The following CACNA1D variants were observed in gnomAD, a reference collection of about 807,000 sequenced individuals.
CACNA1D encodes the protein voltage-dependent L-type calcium channel subunit alpha-1D.
In CACNA1D, 55 loss-of-function variants were observed where a neutral mutation model predicts 257.1. The ratio of observed to expected loss-of-function variants is 0.21; its 90% CI spans 0.17 to 0.27. CACNA1D has a LOEUF of 0.27. Ranked by LOEUF, CACNA1D falls within the 10% of genes least tolerant of loss-of-function variation. The probability of loss-of-function intolerance (pLI) is 1.00; values close to 1 mark genes in which losing one functional copy is unlikely to be tolerated. For missense variants in CACNA1D, 1,876 were observed against 2,784.0 expected (o/e 0.67, Z 7.34); for synonymous variants, 980 against 1,014.9 (o/e 0.97, Z 0.65).
intron 3 of CACNA1D, among the ~76,000 whole-genome samples, chr3:53,570,237 C>T (rs562760187): frequency 2.6e-4 from 40 of 152,264 alleles, no homozygotes; most frequent in Non-Finnish European, 4.9e-4. Context: ...TGAAACTTAA[C>T]GACAGTGCTT....
At chr3:53,716,156 A>G (rs1334051873) in intron 9 of CACNA1D, among the ~76,000 whole-genome samples, 9 of 152,246 alleles carry the variant, frequency 5.9e-5, no homozygotes, top group Non-Finnish European at 1.3e-4. Flanking sequence ...TATTAGAACT[A>G]TGAGATAGCA....
At chr3:53,710,451 T>G (rs1376201206) in intron 9 of CACNA1D, 3 of 456,658 alleles carry the variant, frequency 6.6e-6, no homozygotes. Flanking sequence ...GTTTTGCTGC[T>G]TTCGGCAACG....
intron 3 of CACNA1D, among the ~76,000 whole-genome samples, chr3:53,565,945 T>C (rs11715993): frequency 0.34 from 52,095 of 152,084 alleles, 9,468 homozygotes; most frequent in Middle Eastern, 0.47. Flanking sequence ...ACCCACCTAT[T>C]GAGGCACAAA....
chr3:53,731,426 C>T (rs533435175), intron 17 of CACNA1D, among the ~76,000 whole-genome samples: 1 of 152,316 alleles, frequency 6.6e-6, no homozygotes, highest in South Asian at 2.1e-4. Context: ...GTGCAATCAG[C>T]CCTGACCCGT....
chr3:53,691,865 ATATATATTACATATAATATATAT>A (rs1576366674), intron 8 of CACNA1D, among the ~76,000 whole-genome samples: 1 of 109,962 alleles, frequency 9.1e-6, no homozygotes, highest in East Asian at 2.4e-4. Flanking sequence ...AATATATATT[ATATATATTACATATAATATATAT>A]TATATATATT....
At chr3:53,557,658 A>G (rs897537893) in intron 3 of CACNA1D, among the ~76,000 whole-genome samples, 1 of 152,144 alleles carries the variant, frequency 6.6e-6, no homozygotes, top group East Asian at 1.9e-4. Flanking sequence ...TTATCTGTAC[A>G]TTTGTCAAAA....
chr3:53,596,154 G>A (rs372408245), intron 3 of CACNA1D, among the ~76,000 whole-genome samples: 43 of 152,242 alleles, frequency 2.8e-4, no homozygotes, highest in African/African-American at 1.0e-3. Context: ...ACTGGAGAGG[G>A]CCATGCAATG....
intron 3 of CACNA1D, among the ~76,000 whole-genome samples, chr3:53,577,431 A>G (rs112592501): frequency 1.3e-5 from 2 of 152,200 alleles, no homozygotes; most frequent in African/African-American, 4.8e-5. Flanking sequence ...CTGGATTTAT[A>G]TCTTACCAGT....
At position 53,811,855 on chromosome 3, in the gene CACNA1D, A is replaced by T. The variant is rs532316868; in HGVS notation, c.*449A>T. 1 of 154,776 alleles carries T rather than the reference A, an allele frequency of 6.5e-6. No homozygotes were observed. Among genetic ancestry groups the T allele is most frequent in the Non-Finnish European group, 1.4e-5 (1 of 69,524 alleles). The allele number at this position is 154,776 out of a possible 1,614,324, so 9.6% of individuals were successfully genotyped here. The stretch of plus-strand genomic sequence containing the variant: ...CAGCCATCGGTCTAGCATATCAGTC[A>T]CTGGGCCCAACATATCCATTTTTAA... On this transcript the variant is annotated 3_prime_UTR_variant, in exon 48 of 48. Transcript: ENST00000350061. This position sits in a 1 kb window ranked among gnomAD's most constrained non-coding sequence, Gnocchi z 4.2.
At chr3:53,690,840 C>T (rs2094512861) in intron 8 of CACNA1D, among the ~76,000 whole-genome samples, 1 of 152,214 alleles carries the variant, frequency 6.6e-6, no homozygotes, top group Admixed American at 6.5e-5. Context: ...CTTCACACAG[C>T]AAACTGTAGT....
rs563459422 is a variant in CACNA1D at position 53,747,314 on chromosome 3, C to G, written c.3180C>G (p.Ile1060Met). 1.5e-5 allele frequency: 25 copies of G among 1,614,096 alleles called. No individual in the cohort carries two copies. Among genetic ancestry groups the G allele is most frequent in the Non-Finnish European group, 2.1e-5 (25 of 1,179,936 alleles). Residue 1060 changes from isoleucine (I) to methionine (M), a missense_variant, in exon 26 of 48, where the codon ATC (isoleucine) becomes ATG (methionine). By Grantham distance (10) the Ile-to-Met change is conservative. Transcript: ENST00000350061. ...TTTTCCTCTCCAGGGGACTTTTCATCCTCTACAAGGATGGGGATGTTGACA... is the reference window on the plus strand; with the variant it reads ...TTTTCCTCTCCAGGGGACTTTTCATGCTCTACAAGGATGGGGATGTTGACA... ...SNPEECRGLF[I>M]LYKDGDVDSP... is the part of the protein sequence containing the mutation.
At chr3:53,677,519 A>T (rs748569884) in intron 8 of CACNA1D, among the ~76,000 whole-genome samples, 3 of 151,996 alleles carry the variant, frequency 2.0e-5, no homozygotes, top group Non-Finnish European at 4.4e-5. Context: ...GATATCCCCC[A>T]CTCCCCTCAC....
intron 3 of CACNA1D, among the ~76,000 whole-genome samples, chr3:53,591,088 G>A (rs1217328474): frequency 6.6e-6 from 1 of 152,108 alleles, no homozygotes; most frequent in Non-Finnish European, 1.5e-5. Context: ...CTGCCTCTAA[G>A]CGACACTACA....
chr3:53,576,499 C>G (rs920374621), intron 3 of CACNA1D, among the ~76,000 whole-genome samples: 3 of 152,214 alleles, frequency 2.0e-5, no homozygotes, highest in South Asian at 4.1e-4. Flanking sequence ...TCTCCATCCT[C>G]CATCAGACTA....
intron 8 of CACNA1D, among the ~76,000 whole-genome samples, chr3:53,675,557 A>AT (rs1479441434): frequency 6.6e-6 from 1 of 152,038 alleles, no homozygotes; most frequent in East Asian, 1.9e-4. Flanking sequence ...AGCAGACATG[A>AT]TGAAGTAGAG....
At chr3:53,798,099 A>G (rs1181732947) in intron 40 of CACNA1D, 3 of 152,230 alleles carry the variant, frequency 2.0e-5, no homozygotes, top group African/African-American at 7.2e-5. Flanking sequence ...AATGAATGAA[A>G]TGCGGCTGTT....
At chr3:53,753,119 T>C (rs1373491807) in intron 28 of CACNA1D, among the ~76,000 whole-genome samples, 1 of 152,224 alleles carries the variant, frequency 6.6e-6, no homozygotes, top group East Asian at 1.9e-4. Flanking sequence ...AGAGTTCTTT[T>C]TGAATGAAAA....
intron 5 of CACNA1D, among the ~76,000 whole-genome samples, chr3:53,664,102 C>A (rs966936179): frequency 3.9e-5 from 6 of 152,134 alleles, no homozygotes; most frequent in African/African-American, 1.4e-4. Flanking sequence ...TCTCTCAAGA[C>A]CACATTTCAG....
chr3:53,778,688 G>A (rs2095410565), intron 37 of CACNA1D, among the ~76,000 whole-genome samples: 1 of 152,180 alleles, frequency 6.6e-6, no homozygotes, highest in Non-Finnish European at 1.5e-5. Flanking sequence ...GCATTTACAG[G>A]TTGAAGTGAC....
Sources: gnomAD v4.1 joint callset for allele counts (sites outside exome capture counted in the v4.1 genomes callset) on GRCh38, gnomAD v4.1.1 for gene constraint, Gnocchi (gnomAD v3.1) non-coding constraint, MANE v1.5 for transcripts, NCBI Gene and HGNC (gene_info 2026-07-23, HGNC 2026-07-21) for gene names.